The following ARB2A variants were observed in gnomAD, a reference collection of about 807,000 sequenced individuals.
ARB2A encodes cotranscriptional regulator ARB2A.
chr5:94,041,094 G>GTCTC, the ARB2A span, among the ~76,000 whole-genome samples: 45 of 148,346 alleles, frequency 3.0e-4, no homozygotes, highest in East Asian at 3.9e-4. Flanking sequence ...GTCTCTCTCG[G>GTCTC]TCTCTCTCTC....
the ARB2A span, among the ~76,000 whole-genome samples, chr5:93,983,401 T>C: frequency 6.6e-6 from 1 of 152,144 alleles, no homozygotes; most frequent in Non-Finnish European, 1.5e-5. Flanking sequence ...GAAATCTGCC[T>C]GATGAGGATC....
chr5:93,630,759 A>C, the ARB2A span, among the ~76,000 whole-genome samples: 1 of 152,024 alleles, frequency 6.6e-6, no homozygotes, highest in African/African-American at 2.4e-5. Flanking sequence ...CAACATCACA[A>C]AATGCCCTCT....
At chr5:93,663,394 TC>T in the ARB2A span, among the ~76,000 whole-genome samples, 2 of 152,240 alleles carry the variant, frequency 1.3e-5, no homozygotes, top group Non-Finnish European at 2.9e-5. Flanking sequence ...AAAAGTTTCC[TC>T]CTGTATTTTT....
At chr5:93,721,785 G>C in the ARB2A span, among the ~76,000 whole-genome samples, 1 of 152,084 alleles carries the variant, frequency 6.6e-6, no homozygotes, top group Non-Finnish European at 1.5e-5. Context: ...AAACTGCCAA[G>C]TATACACATG....
the ARB2A span, among the ~76,000 whole-genome samples, chr5:93,767,050 GA>G: frequency 7.4e-6 from 1 of 135,500 alleles, no homozygotes; most frequent in East Asian, 2.6e-4. Flanking sequence ...GGGTTGGGGG[GA>G]GGGGGGAGGG....
chr5:93,696,476 T>C, the ARB2A span, among the ~76,000 whole-genome samples: 1 of 152,194 alleles, frequency 6.6e-6, no homozygotes, highest in Non-Finnish European at 1.5e-5. Flanking sequence ...TTGGATCTGA[T>C]GATTAGATAG....
the ARB2A span, among the ~76,000 whole-genome samples, chr5:93,970,777 T>G: frequency 6.6e-6 from 1 of 152,194 alleles, no homozygotes; most frequent in Admixed American, 6.5e-5. Flanking sequence ...TTACATTAAA[T>G]GGATACTTAC....
At chr5:94,025,285 G>A in the ARB2A span, among the ~76,000 whole-genome samples, 1 of 152,188 alleles carries the variant, frequency 6.6e-6, no homozygotes, top group Non-Finnish European at 1.5e-5. Flanking sequence ...AGCCAATTTG[G>A]TTCCTGAGGA....
the ARB2A span, chr5:93,682,941 G>A: frequency 6.3e-7 from 1 of 1,580,754 alleles, no homozygotes; most frequent in Non-Finnish European, 8.6e-7. Context: ...ACTTTGGGAA[G>A]AGAACCACCT....
At chr5:93,624,976 TTTTTC>T in the ARB2A span, among the ~76,000 whole-genome samples, 1 of 152,146 alleles carries the variant, frequency 6.6e-6, no homozygotes, top group Non-Finnish European at 1.5e-5. Context: ...GCATTTTATG[TTTTTC>T]AGAGTCTTAC....
At chr5:94,101,543 T>C in the ARB2A span, among the ~76,000 whole-genome samples, 191 of 152,168 alleles carry the variant, frequency 1.3e-3, 1 homozygote, top group African/African-American at 4.4e-3. Context: ...TCAACCTAAA[T>C]GCCCATCAAT....
At chr5:93,862,430 C>A in the ARB2A span, 3 of 152,168 alleles carry the variant, frequency 2.0e-5, no homozygotes, top group Non-Finnish European at 2.9e-5. Flanking sequence ...TCAAAGAAAA[C>A]CTTGCTAAAC....
At chr5:93,928,810 A>G in the ARB2A span, among the ~76,000 whole-genome samples, 1 of 152,202 alleles carries the variant, frequency 6.6e-6, no homozygotes, top group South Asian at 2.1e-4. Flanking sequence ...ATTAATTATC[A>G]AAAAATACAC....
At chr5:94,080,201 T>TA in the ARB2A span, among the ~76,000 whole-genome samples, 6 of 151,958 alleles carry the variant, frequency 3.9e-5, no homozygotes, top group South Asian at 8.3e-4. Flanking sequence ...CAAACAAACA[T>TA]AAAAAATTGC....
the ARB2A span, among the ~76,000 whole-genome samples, chr5:93,812,620 A>G: frequency 1.3e-5 from 2 of 152,156 alleles, no homozygotes; most frequent in Non-Finnish European, 1.5e-5. Context: ...AATTTGGAGA[A>G]AATAGAAGTT....
At chr5:93,715,241 G>A in the ARB2A span, among the ~76,000 whole-genome samples, 4 of 152,152 alleles carry the variant, frequency 2.6e-5, no homozygotes, top group Non-Finnish European at 5.9e-5. Flanking sequence ...AAAGTAGTAC[G>A]TGAGTATTTA....
the ARB2A span, among the ~76,000 whole-genome samples, chr5:93,770,827 T>C: frequency 5.9e-5 from 9 of 152,246 alleles, no homozygotes; most frequent in Non-Finnish European, 7.4e-5. Flanking sequence ...TGGAAGAACA[T>C]TCCATGCTCA....
chr5:94,058,130 A>T, the ARB2A span, among the ~76,000 whole-genome samples: 5 of 152,210 alleles, frequency 3.3e-5, no homozygotes, highest in East Asian at 9.7e-4. Flanking sequence ...GAGAAAGGAA[A>T]CTCTAAAACT....
At chr5:93,788,279 G>T in the ARB2A span, among the ~76,000 whole-genome samples, 1 of 151,912 alleles carries the variant, frequency 6.6e-6, no homozygotes, top group South Asian at 2.1e-4. Context: ...GTGACAAGAC[G>T]GATGAGTTCG....
Sources: gnomAD v4.1 joint callset for allele counts (sites outside exome capture counted in the v4.1 genomes callset) on GRCh38, gnomAD v4.1.1 for gene constraint, MANE v1.5 for transcripts, NCBI Gene and HGNC (gene_info 2026-07-23, HGNC 2026-07-21) for gene names.